SLC7A1: variants seen among roughly 807,000 people sequenced by gnomAD.
SLC7A1 encodes solute carrier family 7 member 1.
Under a neutral mutation model 53.9 loss-of-function variants are expected in SLC7A1, and 10 were observed. That is an observed-to-expected ratio of 0.19 (90% CI 0.11 to 0.31). The LOEUF (loss-of-function observed/expected upper bound fraction) is 0.31. Ranked by LOEUF, SLC7A1 falls within the 10% of genes least tolerant of loss-of-function variation. SLC7A1 has a pLI of 1.00. For missense variants in SLC7A1, 525 were observed against 827.2 expected, an observed-to-expected ratio of 0.63 and a Z score of 4.48; for synonymous variants, 342 against 338.7, an observed-to-expected ratio of 1.01 and a Z score of -0.11.
At chr13:29,554,742 A>G (rs1175654700) in intron 1 of SLC7A1, among the ~76,000 whole-genome samples, 1 of 152,244 alleles carries the variant, frequency 6.6e-6, no homozygotes, top group Admixed American at 6.5e-5. Context: ...CAACAGCTAC[A>G]GTTTTATAAC....
chr13:29,520,441 G>C (rs966978372), intron 8 of SLC7A1, among the ~76,000 whole-genome samples: 1 of 152,202 alleles, frequency 6.6e-6, no homozygotes, highest in East Asian at 1.9e-4. Flanking sequence ...GTCACTTCAC[G>C]TGGAAGAAAT....
rs2776408 is a variant in SLC7A1 at position 29,570,401 on chromosome 13, T to C, written c.-114-16541A>G. Reference sequence around the variant, plus strand: ...CCCTCGCTGTGTGAACTTGAACAAGTTACGCTATGTTGCTGTTTCAGTTCT... The same window carrying C: ...CCCTCGCTGTGTGAACTTGAACAAGCTACGCTATGTTGCTGTTTCAGTTCT... On this transcript the variant is annotated intron_variant, in intron 1 of 12. Coordinates refer to ENST00000380752, the MANE Select transcript of SLC7A1 (RefSeq NM_003045.5). Among the ~76,000 whole-genome samples the C allele has an allele frequency of 3.4e-3, 523 of 152,326 alleles. 4 individuals are homozygous for C. The highest frequency in any genetic ancestry group is 0.012 in the African/African-American group (491 of 41,572).
chr13:29,549,368 AAGGGTGGAGTGGCCCTTTC>A (rs1216549994), intron 2 of SLC7A1, among the ~76,000 whole-genome samples: 2 of 152,130 alleles, frequency 1.3e-5, no homozygotes, highest in African/African-American at 4.8e-5. Flanking sequence ...AGAGGGGGTG[AAGGGTGGAGTGGCCCTTTC>A]AGCACACCAC....
intron 2 of SLC7A1, among the ~76,000 whole-genome samples, chr13:29,550,093 T>C (rs2139130322): frequency 6.6e-6 from 1 of 152,362 alleles, no homozygotes; most frequent in African/African-American, 2.4e-5. Flanking sequence ...CTGCTAAAAG[T>C]TCACTGACAT....
At chr13:29,546,717 T>G (rs953590241) in intron 2 of SLC7A1, among the ~76,000 whole-genome samples, 2 of 152,152 alleles carry the variant, frequency 1.3e-5, no homozygotes, top group African/African-American at 2.4e-5. Context: ...CAACTTTTTT[T>G]TGTGAAAAAA....
chr13:29,593,085 T>C (rs1036989319), intron 1 of SLC7A1, among the ~76,000 whole-genome samples: 4 of 152,184 alleles, frequency 2.6e-5, no homozygotes, highest in African/African-American at 9.7e-5. Context: ...GGCAGGCACC[T>C]GAGAGGGGCC....
intron 1 of SLC7A1, among the ~76,000 whole-genome samples, chr13:29,557,777 GA>G (rs1404252241): frequency 8.6e-5 from 8 of 93,546 alleles, no homozygotes; most frequent in South Asian, 9.2e-4. Context: ...ATGAGTGAGG[GA>G]GGAGTGAATG....
chr13:29,519,694 A>T, intron 8 of SLC7A1, 145 bp from the exon 9 acceptor site: 1 of 571,068 alleles, frequency 1.8e-6, no homozygotes. Context: ...GGAAAGACAC[A>T]GCTTAAAGGG....
Position 29,513,641 on chromosome 13 carries a change from T to A in SLC7A1, c.*839A>T, listed in dbSNP as rs2277452. On this transcript the variant is annotated 3_prime_UTR_variant, in exon 13 of 13. Coordinates refer to ENST00000380752, the MANE Select transcript of SLC7A1 (RefSeq NM_003045.5). ...ACCATGGGGCCAGTCCTGCAGATAC[T>A]GTCTCATGTTCCAGTTACTCAGGAC... 146,504 of 152,804 alleles carry A rather than the reference T, an allele frequency of 0.96. 70,354 individuals carry two copies. The highest frequency in any genetic ancestry group is 0.99 in the Non-Finnish European group (67,084 of 68,070). 9.5% of individuals were successfully genotyped at this position (152,804 alleles called of 1,614,324 possible).
At chr13:29,567,575 T>A (rs1871022214) in intron 1 of SLC7A1, among the ~76,000 whole-genome samples, 1 of 152,166 alleles carries the variant, frequency 6.6e-6, no homozygotes, top group African/African-American at 2.4e-5. Context: ...GCCGCAGCCT[T>A]TTCTCTGCCA....
chr13:29,550,735 T>A lies in SLC7A1; in HGVS notation c.-15+3026A>T, dbSNP rs372978337. ...GGCCAGCATCCAGACTGTAGCCCTG[T>A]GAGACCCCAAGCATAGGCGCCAGCT... On this transcript the variant is annotated intron_variant, in intron 2 of 12. Coordinates refer to ENST00000380752, the MANE Select transcript of SLC7A1 (RefSeq NM_003045.5). 8.9e-4 allele frequency among the ~76,000 whole-genome samples: 134 copies of A among 151,268 alleles called. 1 individual carries two copies. The highest frequency in any genetic ancestry group is 3.1e-3 in the African/African-American group (126 of 40,554).
At chr13:29,556,585 C>T (rs1028301824) in intron 1 of SLC7A1, among the ~76,000 whole-genome samples, 3 of 152,126 alleles carry the variant, frequency 2.0e-5, no homozygotes, top group Non-Finnish European at 4.4e-5. Context: ...TGCCACATTG[C>T]CCAGGTTGGT....
rs572309703 is a variant in SLC7A1, at chr13:29,517,275, G to A, written c.1546C>T (p.Leu516Phe). 35 of 1,613,314 alleles carry A rather than the reference G, an allele frequency of 2.2e-5. No homozygotes were observed. The Admixed American group carries it at 3.7e-4, about 17-fold the overall frequency. Residue 516 changes from leucine (L) to phenylalanine (F), a missense_variant, in exon 11 of 13, where the codon CTT becomes TTT. Physicochemically the swap from Leu to Phe is conservative, Grantham distance 22 (BLOSUM62 0). Coordinates refer to ENST00000380752, the MANE Select transcript of SLC7A1 (RefSeq NM_003045.5). ...CCTTTGGTGAGAGCCTCCCTTCCAA[G>A]CACGGTCACAATGCAGAAGGTGATG... ...LIITFCIVTV[L>F]GREALTKGAL...
chr13:29,523,050 A>G (rs1868702836), intron 7 of SLC7A1, among the ~76,000 whole-genome samples: 1 of 152,196 alleles, frequency 6.6e-6, no homozygotes, highest in African/African-American at 2.4e-5. Context: ...AGCCAGCCTC[A>G]GGTTCTTCTC....
chr13:29,527,863 G>A (rs528024425), intron 5 of SLC7A1, among the ~76,000 whole-genome samples: 3 of 152,340 alleles, frequency 2.0e-5, no homozygotes, highest in South Asian at 2.1e-4. Context: ...GTTCTTCTAC[G>A]TGGTAATGGA....
At chr13:29,594,891 C>T (rs1872245485) in intron 1 of SLC7A1, among the ~76,000 whole-genome samples, 1 of 152,038 alleles carries the variant, frequency 6.6e-6, no homozygotes, top group African/African-American at 2.4e-5. Flanking sequence ...GCGGGACCAC[C>T]CTCCGGGCGG....
rs544689857 is a variant in SLC7A1 at position 29,534,352 on chromosome 13, T to A, written c.371-1370A>T. 2.7e-4 allele frequency among the ~76,000 whole-genome samples: 41 copies of A among 152,340 alleles called. No homozygotes were observed. The South Asian group carries it at 8.5e-3, about 32-fold the overall frequency. On this transcript the variant is annotated intron_variant, in intron 3 of 12. Transcript: ENST00000380752. Reference sequence around the variant, plus strand: ...CAAGCATTTCATGCTCAATGTATATTTTATGCTCAGGTAAATCCTCTGGAA... The same window carrying A: ...CAAGCATTTCATGCTCAATGTATATATTATGCTCAGGTAAATCCTCTGGAA...
intron 1 of SLC7A1, among the ~76,000 whole-genome samples, chr13:29,560,177 A>G (rs1247572852): frequency 6.6e-6 from 1 of 151,978 alleles, no homozygotes; most frequent in Non-Finnish European, 1.5e-5. Flanking sequence ...AAAAACCAAG[A>G]TGCAGACAAA....
At chr13:29,583,423 T>C (rs1871739306) in intron 1 of SLC7A1, among the ~76,000 whole-genome samples, 1 of 152,204 alleles carries the variant, frequency 6.6e-6, no homozygotes, top group Non-Finnish European at 1.5e-5. Flanking sequence ...AGCAGGACAC[T>C]TTGCTGGAAA....
Sources: allele counts gnomAD v4.1 joint callset (sites outside exome capture counted in the v4.1 genomes callset), GRCh38; gene constraint gnomAD v4.1.1; transcripts MANE v1.5; gene names NCBI Gene and HGNC (gene_info 2026-07-23, HGNC 2026-07-21).